Variants in ZDHHC14 observed in about 807,000 individuals in gnomAD.
ZDHHC14 encodes palmitoyltransferase ZDHHC14.
ZDHHC14 carries 16 observed loss-of-function variants against 47.7 expected under a neutral mutation model. That is an observed-to-expected ratio of 0.34 (90% CI 0.23 to 0.51). The LOEUF (loss-of-function observed/expected upper bound fraction) is 0.51. Among genes scored for constraint, ZDHHC14 ranks in the 20% least tolerant of loss-of-function variants. ZDHHC14 has a pLI of 0.97. For missense variants in ZDHHC14, 515 were observed against 662.5 expected, an observed-to-expected ratio of 0.78 and a Z score of 2.44; for synonymous variants, 293 against 278.9, an observed-to-expected ratio of 1.05 and a Z score of -0.50.
intron 5 of ZDHHC14, among the ~76,000 whole-genome samples, chr6:157,635,722 C>T (rs1203484552): frequency 6.6e-6 from 1 of 152,172 alleles, no homozygotes; most frequent in South Asian, 2.1e-4. Flanking sequence ...GGGCACAGAC[C>T]GGTGCTGCTG....
intron 2 of ZDHHC14, among the ~76,000 whole-genome samples, chr6:157,546,063 G>A (rs371287765): frequency 4.6e-5 from 7 of 152,164 alleles, no homozygotes; most frequent in Admixed American, 2.0e-4. Context: ...CTACCTAAGC[G>A]TGACAGGAAT....
intron 1 of ZDHHC14, among the ~76,000 whole-genome samples, chr6:157,464,913 G>A (rs1009930597): frequency 6.6e-6 from 1 of 152,114 alleles, no homozygotes; most frequent in Admixed American, 6.6e-5. Flanking sequence ...TGGCTTCGTC[G>A]CAGCAGGGTG....
intron 3 of ZDHHC14, among the ~76,000 whole-genome samples, chr6:157,598,695 A>G (rs1051914485): frequency 9.9e-5 from 15 of 152,268 alleles, no homozygotes; most frequent in African/African-American, 3.4e-4. Context: ...TGCTAGTGAG[A>G]AATAATAGCA....
At chr6:157,630,780 C>G (rs1785670759) in intron 4 of ZDHHC14, 1 of 152,088 alleles carries the variant, frequency 6.6e-6, no homozygotes, top group African/African-American at 2.4e-5. Context: ...TACACACCCA[C>G]ACACATACCC....
chr6:157,593,338 C>T (rs1783993215), intron 3 of ZDHHC14, among the ~76,000 whole-genome samples, 192 bp downstream of exon 3: 1 of 152,178 alleles, frequency 6.6e-6, no homozygotes, highest in African/African-American at 2.4e-5. Flanking sequence ...CTGCACCGCC[C>T]TTGGCTGCGA....
At chr6:157,417,063 C>T (rs1777995931) in intron 1 of ZDHHC14, among the ~76,000 whole-genome samples, 3 of 145,792 alleles carry the variant, frequency 2.1e-5, no homozygotes, top group Admixed American at 1.4e-4. Flanking sequence ...CTCCTGACCT[C>T]GTGATCTTCC....
intron 2 of ZDHHC14, among the ~76,000 whole-genome samples, chr6:157,551,422 G>T (rs897955132): frequency 6.6e-6 from 1 of 152,216 alleles, no homozygotes; most frequent in Non-Finnish European, 1.5e-5. Context: ...ATGGGGTCTG[G>T]TTCCAAGTCC....
chr6:157,555,684 T>A (rs970531129), intron 2 of ZDHHC14, among the ~76,000 whole-genome samples: 2 of 152,086 alleles, frequency 1.3e-5, no homozygotes, highest in African/African-American at 4.8e-5. Context: ...CAAGGACAGA[T>A]TATTGTAATG....
At chr6:157,460,405 GAAAA>G (rs1164382844) in intron 1 of ZDHHC14, among the ~76,000 whole-genome samples, 2,303 of 43,062 alleles carry the variant, frequency 0.053, 84 homozygotes, top group African/African-American at 0.21. Context: ...TCTCTCTCTG[GAAAA>G]AAAAAAAAAA....
intron 1 of ZDHHC14, among the ~76,000 whole-genome samples, chr6:157,422,789 T>C (rs1312580005): frequency 6.6e-6 from 1 of 152,214 alleles, no homozygotes; most frequent in Admixed American, 6.5e-5. Flanking sequence ...CTGTGCTTTT[T>C]ATATTTTTAA....
At chr6:157,541,815 G>A (rs1318530439) in intron 1 of ZDHHC14, among the ~76,000 whole-genome samples, 2 of 152,162 alleles carry the variant, frequency 1.3e-5, no homozygotes, top group African/African-American at 2.4e-5. Context: ...GTCTGTCCCA[G>A]TGGCACTTCT....
chr6:157,452,069 C>A (rs35448002), intron 1 of ZDHHC14, among the ~76,000 whole-genome samples: 1 of 152,108 alleles, frequency 6.6e-6, no homozygotes, highest in African/African-American at 2.4e-5. Flanking sequence ...ACCCATTTAG[C>A]ACAGTATTGA....
intron 1 of ZDHHC14, among the ~76,000 whole-genome samples, chr6:157,482,770 T>C (rs1164490002): frequency 6.7e-6 from 1 of 148,512 alleles, no homozygotes; most frequent in East Asian, 2.0e-4. Context: ...TGAGATGGAG[T>C]CTTGCTCTGT....
intron 3 of ZDHHC14, among the ~76,000 whole-genome samples, chr6:157,596,974 G>A (rs1013156722): frequency 1.3e-5 from 2 of 152,098 alleles, no homozygotes; most frequent in South Asian, 2.1e-4. Context: ...CGTGATCGAC[G>A]TGAATGTATT....
At chr6:157,595,416 A>G (rs1784087981) in intron 3 of ZDHHC14, among the ~76,000 whole-genome samples, 2 of 151,756 alleles carry the variant, frequency 1.3e-5, no homozygotes, top group African/African-American at 4.8e-5. Flanking sequence ...CTGGTCTTGA[A>G]CTGGCCTCAA....
intron 1 of ZDHHC14, among the ~76,000 whole-genome samples, chr6:157,521,920 T>C (rs1780928165): frequency 6.6e-6 from 1 of 152,244 alleles, no homozygotes; most frequent in Middle Eastern, 3.2e-3. Context: ...AGTTTAGGAA[T>C]GCTTGCTTAG....
chr6:157,416,730 G>A (rs139914538), intron 1 of ZDHHC14, among the ~76,000 whole-genome samples: 34 of 138,474 alleles, frequency 2.5e-4, no homozygotes, highest in African/African-American at 8.5e-4. Context: ...TAAAAAATTC[G>A]AACAGTATAG....
intron 1 of ZDHHC14, among the ~76,000 whole-genome samples, chr6:157,461,894 C>G (rs1779095939): frequency 6.6e-6 from 1 of 152,198 alleles, no homozygotes; most frequent in Admixed American, 6.5e-5. Context: ...CCACTAGAGG[C>G]ACAGCGGTTC....
chr6:157,421,410 A>T (rs1192398802), intron 1 of ZDHHC14, among the ~76,000 whole-genome samples: 1 of 144,936 alleles, frequency 6.9e-6, no homozygotes, highest in East Asian at 2.2e-4. Flanking sequence ...GGACAATGGC[A>T]TGAACCCGGG....
Sources: gnomAD v4.1 joint callset for allele counts (sites outside exome capture counted in the v4.1 genomes callset) on GRCh38, gnomAD v4.1.1 for gene constraint, MANE v1.5 for transcripts, NCBI Gene and HGNC (gene_info 2026-07-23, HGNC 2026-07-21) for gene names.